Variants in BAZ2B observed in about 807,000 individuals in gnomAD.
BAZ2B encodes bromodomain adjacent to zinc finger domain protein 2B.
A neutral mutation model predicts 246.0 loss-of-function variants in BAZ2B; 91 were observed. That is an observed-to-expected ratio of 0.37 (90% confidence interval 0.31 to 0.44). The LOEUF (loss-of-function observed/expected upper bound fraction) is 0.44. Among genes scored for constraint, BAZ2B ranks in the 20% least tolerant of loss-of-function variants. The pLI is 1.00. For synonymous variants in BAZ2B, 855 were observed against 860.0 expected (o/e 0.99, Z 0.10); for missense variants, 2,332 against 2,533.7 (o/e 0.92, Z 1.71).
intron 14 of BAZ2B, among the ~76,000 whole-genome samples, chr2:159,408,379 C>T (rs554448917): frequency 7.9e-5 from 12 of 152,202 alleles, no homozygotes; most frequent in Admixed American, 5.2e-4. Context: ...CTTTATTTCC[C>T]GGGCTGGTAT....
chr2:159,366,098 T>A (rs1388641848), intron 27 of BAZ2B, among the ~76,000 whole-genome samples: 1 of 152,200 alleles, frequency 6.6e-6, no homozygotes, highest in Non-Finnish European at 1.5e-5. Context: ...TGGCCCTCCA[T>A]TAACTCTTCC....
chr2:159,411,199 T>C (rs2066785158), intron 14 of BAZ2B, among the ~76,000 whole-genome samples: 1 of 152,140 alleles, frequency 6.6e-6, no homozygotes, highest in African/African-American at 2.4e-5. Flanking sequence ...TTTTAAAATT[T>C]TATTTGTAGA....
At chr2:159,700,073 T>C in the BAZ2B span, among the ~76,000 whole-genome samples, 1 of 152,216 alleles carries the variant, frequency 6.6e-6, no homozygotes, top group Admixed American at 6.5e-5. Context: ...ACCTCACAAG[T>C]GCTCCAGCTC....
chr2:159,386,627 CAAATA>C lies in BAZ2B; in HGVS notation c.3217-25_3217-21del. ...CAAAGGCTGAAAATAAAATGAAATA[CAAATA>C]AAATAAAAACAGCTTAATTTTTTAA... is the stretch of plus-strand genomic sequence containing the variant. On this transcript the variant is annotated intron_variant, in intron 21 of 36. Coordinates refer to ENST00000392783, the MANE Select transcript of BAZ2B (RefSeq NM_013450.4). The C allele has an allele frequency of 6.4e-7, 1 of 1,560,874 alleles. No individual in the cohort carries two copies. Among genetic ancestry groups the C allele is most frequent in the Non-Finnish European group, 8.6e-7 (1 of 1,158,440 alleles).
At chr2:159,382,500 G>C (rs1352238465) in intron 25 of BAZ2B, 59 bp downstream of exon 25, 5 of 1,484,852 alleles carry the variant, frequency 3.4e-6, no homozygotes, top group Middle Eastern at 1.7e-4. Flanking sequence ...TCCAAATTCT[G>C]TTTTTAAAAA....
At chr2:159,378,752 T>C (rs2061673221) in intron 25 of BAZ2B, among the ~76,000 whole-genome samples, 1 of 151,996 alleles carries the variant, frequency 6.6e-6, no homozygotes, top group South Asian at 2.1e-4. Context: ...TGAGATATCA[T>C]CCCACACCTG....
Position 159,446,782 on chromosome 2 carries a change from C to T in BAZ2B, c.696G>A (p.Lys232=). ...ATTAGTCCTTCCAAGTACAACTTAC[C>T]TTATCTTTGATTTTGTCAACTCTAG... is the stretch of plus-strand genomic sequence containing the variant. The part of the protein sequence containing the change: ...LDARVDKIKD[K]KPRKKAMESS... Residue 232 remains lysine, a splice_region_variant and synonymous_variant, in exon 6 of 37, where the codon AAG becomes AAA. Coordinates refer to ENST00000392783, the MANE Select transcript of BAZ2B (RefSeq NM_013450.4). 3 of 1,602,144 alleles carry T rather than the reference C, an allele frequency of 1.9e-6. No homozygotes were observed. The highest frequency in any genetic ancestry group is 1.7e-5 in the Admixed American group (1 of 58,754).
At chr2:159,699,893 G>A in the BAZ2B span, among the ~76,000 whole-genome samples, 4 of 152,158 alleles carry the variant, frequency 2.6e-5, no homozygotes, top group Non-Finnish European at 4.4e-5. Context: ...CTGGTATCTG[G>A]TGAGAGCTAC....
chr2:159,558,572 A>T (rs996437911), intron 1 of BAZ2B, among the ~76,000 whole-genome samples: 3 of 152,036 alleles, frequency 2.0e-5, no homozygotes, highest in Non-Finnish European at 4.4e-5. Flanking sequence ...AGCAGGTAGA[A>T]ATTTAGAAGA....
chr2:159,641,547 AG>A, the BAZ2B span, among the ~76,000 whole-genome samples: 49 of 152,320 alleles, frequency 3.2e-4, no homozygotes, highest in African/African-American at 1.2e-3. Context: ...TTTGCTATGC[AG>A]AAGCTCTTCA....
At chr2:159,357,726 T>C (rs552218287) in intron 27 of BAZ2B, among the ~76,000 whole-genome samples, 1 of 152,162 alleles carries the variant, frequency 6.6e-6, no homozygotes, top group Admixed American at 6.5e-5. Flanking sequence ...AAAGGTCGGG[T>C]TACCTACAAA....
At chr2:159,583,080 TA>T (rs1447612207) in intron 1 of BAZ2B, among the ~76,000 whole-genome samples, 1 of 151,512 alleles carries the variant, frequency 6.6e-6, no homozygotes, top group African/African-American at 2.4e-5. Flanking sequence ...ATTTTACCTG[TA>T]AAAAATATGA....
intron 1 of BAZ2B, among the ~76,000 whole-genome samples, chr2:159,609,904 T>TA (rs1430338138): frequency 6.6e-6 from 1 of 152,144 alleles, no homozygotes; most frequent in Non-Finnish European, 1.5e-5. Context: ...CAGCTGTTCT[T>TA]AAATTATGAA....
chr2:159,569,906 C>T (rs946514611), intron 1 of BAZ2B, among the ~76,000 whole-genome samples: 1 of 152,024 alleles, frequency 6.6e-6, no homozygotes, highest in Admixed American at 6.6e-5. Context: ...TTGTTGTCTA[C>T]CTTAATTCAA....
At chr2:159,376,086 G>T (rs748926153) in intron 25 of BAZ2B, among the ~76,000 whole-genome samples, 2 of 152,106 alleles carry the variant, frequency 1.3e-5, no homozygotes, top group Non-Finnish European at 2.9e-5. Context: ...TGAACAGAAG[G>T]TACACGGGTT....
intron 16 of BAZ2B, 115 bp downstream of exon 16, chr2:159,404,734 C>A: frequency 1.1e-6 from 1 of 911,580 alleles, no homozygotes. Context: ...CTAAATAAGA[C>A]ACAAATATTA....
intron 27 of BAZ2B, among the ~76,000 whole-genome samples, chr2:159,367,145 G>A (rs1490754717): frequency 1.3e-5 from 2 of 152,170 alleles, no homozygotes; most frequent in Admixed American, 1.3e-4. Context: ...GGTCCTTTGA[G>A]ATATATGTTG....
intron 2 of BAZ2B, among the ~76,000 whole-genome samples, chr2:159,535,499 G>C (rs1450231184): frequency 2.0e-5 from 3 of 152,182 alleles, no homozygotes; most frequent in African/African-American, 7.2e-5. Context: ...TTCAGCCTGG[G>C]TGACAGAACA....
At chr2:159,622,321 C>T in the BAZ2B span, among the ~76,000 whole-genome samples, 1 of 143,896 alleles carries the variant, frequency 6.9e-6, no homozygotes, top group African/African-American at 2.5e-5. Flanking sequence ...ACTGGGTATT[C>T]GTAAGAAAAA....
Sources: gnomAD v4.1 joint callset for allele counts (sites outside exome capture counted in the v4.1 genomes callset) on GRCh38, gnomAD v4.1.1 for gene constraint, MANE v1.5 for transcripts, NCBI Gene and HGNC (gene_info 2026-07-23, HGNC 2026-07-21) for gene names.